The following STAT3 variants were observed in gnomAD, a reference collection of about 807,000 sequenced individuals.
STAT3 encodes the protein signal transducer and activator of transcription 3, also known as DNA-binding protein APRF.
In STAT3, 7 loss-of-function variants were observed where a neutral mutation model predicts 114.3. The ratio of observed to expected loss-of-function variants is 0.06; its 90% CI spans 0.03 to 0.11. The LOEUF (loss-of-function observed/expected upper bound fraction) is 0.11, where lower values mean the gene tolerates loss of function less well. Ranked by LOEUF, STAT3 falls within the 10% of genes least tolerant of loss-of-function variation. The probability of loss-of-function intolerance (pLI) is 1.00; values close to 1 mark genes in which losing one functional copy is unlikely to be tolerated. For synonymous variants in STAT3, 331 were observed against 354.5 expected, an observed-to-expected ratio of 0.93 and a Z score of 0.74; for missense variants, 364 against 960.9, an observed-to-expected ratio of 0.38 and a Z score of 8.21.
chr17:42,319,948 G>T (rs2081403108), intron 21 of STAT3, among the ~76,000 whole-genome samples: 1 of 152,184 alleles, frequency 6.6e-6, no homozygotes, highest in African/African-American at 2.4e-5. Flanking sequence ...TGGCCCCTGA[G>T]GAAACGCTGA....
At chr17:42,354,297 G>A (rs1173298845) in intron 1 of STAT3, among the ~76,000 whole-genome samples, 5 of 149,378 alleles carry the variant, frequency 3.3e-5, no homozygotes, top group Non-Finnish European at 5.9e-5. Flanking sequence ...AGCCTCCCGA[G>A]TAGCTGGGAC....
intron 1 of STAT3, among the ~76,000 whole-genome samples, chr17:42,380,892 GAC>G (rs752997584): frequency 5.3e-5 from 8 of 152,150 alleles, no homozygotes; most frequent in Non-Finnish European, 8.8e-5. Flanking sequence ...CAGCCTAGGT[GAC>G]AGAGTGAGAA....
Position 42,315,573 on chromosome 17 carries a change from T to TC in STAT3, c.*171_*172insG. ...GATCACCCACATTCACTCATTTCTCTATTTTTAAAAGTGCCCAGATTGCTC... is the reference window on the plus strand; with the variant it reads ...GATCACCCACATTCACTCATTTCTCTCATTTTTAAAAGTGCCCAGATTGCTC... On this transcript the variant is annotated 3_prime_UTR_variant, in exon 24 of 24. Coordinates refer to ENST00000264657, the MANE Select transcript of STAT3 (RefSeq NM_139276.3). 1 of 685,976 alleles carries TC rather than the reference T, an allele frequency of 1.5e-6. No individual in the cohort carries two copies. Among genetic ancestry groups the TC allele is most frequent in the Non-Finnish European group, 2.6e-6 (1 of 385,710 alleles). The allele number at this position is 685,976 out of a possible 1,614,324, so 42.5% of individuals were successfully genotyped here.
chr17:42,371,051 A>C (rs2084096685), intron 1 of STAT3, among the ~76,000 whole-genome samples: 1 of 152,220 alleles, frequency 6.6e-6, no homozygotes, highest in South Asian at 2.1e-4. Flanking sequence ...GGTAGAACCA[A>C]CAGGATTTGC....
At chr17:42,321,860 A>G (rs934952933) in intron 21 of STAT3, among the ~76,000 whole-genome samples, 2 of 151,982 alleles carry the variant, frequency 1.3e-5, no homozygotes, top group African/African-American at 2.4e-5. Context: ...ATCTCACTCT[A>G]TCAGCCAGGC....
rs1342563871 is a variant in STAT3, at chr17:42,323,722, G to C, written c.1601-97C>G. ...CACACACACATTCATCCCACAATGG[G>C]CCACAAAATAATCAGCTTTCACATC... On this transcript the variant is annotated intron_variant, in intron 17 of 23. Coordinates refer to ENST00000264657, the MANE Select transcript of STAT3 (RefSeq NM_139276.3). The C allele has an allele frequency of 3.4e-6, 4 of 1,160,468 alleles. No individual in the cohort carries two copies. The African/African-American group carries it at 6.2e-5, about 18-fold the overall frequency. The allele number at this position is 1,160,468 out of a possible 1,614,324, so 71.9% of individuals were successfully genotyped here. A position where few individuals can be genotyped will look rare whatever the true frequency, so the allele number is the denominator to read the frequency against.
chr17:42,353,434 G>A (rs1024580901), intron 1 of STAT3, among the ~76,000 whole-genome samples: 1 of 151,846 alleles, frequency 6.6e-6, no homozygotes, highest in South Asian at 2.1e-4. Context: ...CATTACATAT[G>A]TGACTTGGAT....
chr17:42,326,788 C>G (rs1193349963), intron 14 of STAT3, among the ~76,000 whole-genome samples: 4 of 152,116 alleles, frequency 2.6e-5, no homozygotes, highest in African/African-American at 9.7e-5. Context: ...CCACTGCACT[C>G]CAGCCTGGGT....
At chr17:42,329,281 G>T in intron 14 of STAT3, 129 bp downstream of exon 14, 1 of 1,394,102 alleles carries the variant, frequency 7.2e-7, no homozygotes, top group Non-Finnish European at 1.0e-6. Context: ...GGCCTGAAGT[G>T]ACTTTTTGGA....
intron 8 of STAT3, 126 bp from the exon 9 acceptor site, chr17:42,334,175 G>A: frequency 3.7e-6 from 4 of 1,087,352 alleles, no homozygotes; most frequent in Non-Finnish European, 5.4e-6. Flanking sequence ...TTTTATTGTG[G>A]TGAAATATAT....
At chr17:42,364,554 A>G (rs1446942833) in intron 1 of STAT3, among the ~76,000 whole-genome samples, 2 of 152,150 alleles carry the variant, frequency 1.3e-5, no homozygotes, top group Non-Finnish European at 2.9e-5. Context: ...AAGAGAGGCA[A>G]CTGAAATAAA....
intron 4 of STAT3, among the ~76,000 whole-genome samples, chr17:42,343,983 C>T (rs115340059): frequency 7.2e-5 from 11 of 152,070 alleles, no homozygotes; most frequent in African/African-American, 2.4e-4. Context: ...ATTTCTTTTT[C>T]TTTTTGCATA....
chr17:42,350,985 G>T, intron 1 of STAT3, among the ~76,000 whole-genome samples: 1 of 151,966 alleles, frequency 6.6e-6, no homozygotes, highest in East Asian at 1.9e-4. Flanking sequence ...ACAAAAATTA[G>T]CTGGGTGTGG....
intron 10 of STAT3, among the ~76,000 whole-genome samples, chr17:42,332,699 C>T (rs1270843452): frequency 6.6e-6 from 1 of 151,758 alleles, no homozygotes; most frequent in African/African-American, 2.4e-5. Flanking sequence ...AAAAATTAGC[C>T]GGGCATGGTG....
In STAT3 at chr17:42,337,703, C is replaced by G; in HGVS notation, c.645+60G>C. The G allele has an allele frequency of 6.2e-7, 1 of 1,613,448 alleles. No individual in the cohort carries two copies. The highest frequency in any genetic ancestry group is 8.5e-7 in the Non-Finnish European group (1 of 1,179,402). On this transcript the variant is annotated intron_variant, in intron 7 of 23. Transcript: ENST00000264657. The surrounding 1 kb of genome is among the most constrained non-coding windows in gnomAD (Gnocchi z 4.0). ...AAACCAAGCAAGTTCTGCCACAAGA[C>G]GCTGAAATCCCGCAAGTGAGCGAGA...
At chr17:42,371,758 G>A (rs540661842) in intron 1 of STAT3, among the ~76,000 whole-genome samples, 1 of 151,728 alleles carries the variant, frequency 6.6e-6, no homozygotes, top group African/African-American at 2.4e-5. Flanking sequence ...GAGGCAGGTG[G>A]ATTACCTGAG....
rs1019486334 is a variant in STAT3, at chr17:42,320,961, G to C, written c.2101+1321C>G. ...CTTTCTCTTCTTTGTGTGTGTGTGTGTGTGTGTGTGTAGTGGGGTCTTGCT... is the reference window on the plus strand; with the variant it reads ...CTTTCTCTTCTTTGTGTGTGTGTGTCTGTGTGTGTGTAGTGGGGTCTTGCT... On this transcript the variant is annotated intron_variant, in intron 21 of 23. Coordinates refer to ENST00000264657, the MANE Select transcript of STAT3 (RefSeq NM_139276.3). Among the ~76,000 whole-genome samples the C allele has an allele frequency of 3.3e-5, 5 of 151,868 alleles. No homozygotes were observed. In the East Asian group the frequency reaches 7.7e-4, roughly 24 times the overall value.
At chr17:42,352,250 A>T (rs1047861447) in intron 1 of STAT3, among the ~76,000 whole-genome samples, 3 of 151,912 alleles carry the variant, frequency 2.0e-5, no homozygotes, top group Admixed American at 6.6e-5. Flanking sequence ...GAGGCAGGAG[A>T]ATCACTTGAA....
chr17:42,375,825 A>C (rs1378538241), intron 1 of STAT3, among the ~76,000 whole-genome samples: 1 of 146,586 alleles, frequency 6.8e-6, no homozygotes, highest in African/African-American at 2.5e-5. Context: ...GCGAAACTCC[A>C]TCTCAAAAAA....
Sources: allele counts gnomAD v4.1 joint callset (sites outside exome capture counted in the v4.1 genomes callset), GRCh38; gene constraint gnomAD v4.1.1; non-coding constraint Gnocchi (gnomAD v3.1); transcripts MANE v1.5; gene names NCBI Gene and HGNC (gene_info 2026-07-23, HGNC 2026-07-21).